Variants in OTUD4 observed in about 807,000 individuals in gnomAD.
OTUD4 encodes the protein OTU domain-containing protein 4.
In OTUD4, 24 loss-of-function variants were observed where a neutral mutation model predicts 130.4. That is an observed-to-expected ratio of 0.18 (90% CI 0.13 to 0.26). The LOEUF is 0.26. Ranked by LOEUF, OTUD4 falls within the 10% of genes least tolerant of loss-of-function variation. OTUD4 has a pLI of 1.00. For synonymous variants in OTUD4, 420 were observed against 472.5 expected, an observed-to-expected ratio of 0.89 and a Z score of 1.44; for missense variants, 1,031 against 1,329.4, an observed-to-expected ratio of 0.78 and a Z score of 3.49.
At chr4:145,141,703 A>G (rs1750572251) in intron 18 of OTUD4, 64 bp from the exon 19 acceptor site, 4 of 1,397,620 alleles carry the variant, frequency 2.9e-6, no homozygotes, top group East Asian at 2.4e-5. Context: ...ATATGCTTAC[A>G]TTAACCTATA....
rs142475838 is a variant in OTUD4 at position 145,137,550 on chromosome 4, T to C, written c.3225A>G (p.Gly1075=). Residue 1075 remains glycine (G), a synonymous_variant, in exon 21 of 21, where the codon GGA becomes GGG. Transcript: ENST00000447906. Reference sequence around the variant, plus strand: ...CTTCATCCCGACTTCTGCTTGGCTGTCCTTTCCAGGACTCCTCACTTCTCA... The same window carrying C: ...CTTCATCCCGACTTCTGCTTGGCTGCCCTTTCCAGGACTCCTCACTTCTCA... ...QHVRSEESWK[G]QPSRSRDEGY... 3.3e-5 allele frequency: 54 copies of C among 1,613,288 alleles called. No individual in the cohort carries two copies. In the African/African-American group the frequency reaches 6.5e-4, roughly 20 times the overall value.
Position 145,134,728 on chromosome 4 carries a change from A to T in OTUD4, c.*2702T>A, listed in dbSNP as rs1422304174. The T allele has an allele frequency of 5.0e-6, 2 of 398,848 alleles. No homozygotes were observed. The highest frequency in any genetic ancestry group is 4.4e-6 in the Non-Finnish European group (1 of 226,034). 24.7% of individuals were successfully genotyped at this position (398,848 alleles called of 1,614,324 possible). ...ATGCCAGCATCCTGCTGCCAAGGAG[A>T]CATGGGGCAAGAGTTGAAGATTTGA... On this transcript the variant is annotated 3_prime_UTR_variant, in exon 21 of 21. Coordinates refer to ENST00000447906, the MANE Select transcript of OTUD4 (RefSeq NM_001366057.1).
intron 11 of OTUD4, 88 bp from the exon 12 acceptor site, chr4:145,150,993 G>A (rs1751040929): frequency 2.8e-6 from 2 of 724,194 alleles, no homozygotes; most frequent in Non-Finnish European, 4.2e-6. Context: ...GCTTATATAA[G>A]AATTTCTAGT....
intron 13 of OTUD4, among the ~76,000 whole-genome samples, chr4:145,146,795 GAATT>G (rs1238442326): frequency 5.3e-5 from 8 of 152,130 alleles, no homozygotes; most frequent in South Asian, 2.1e-4. Flanking sequence ...TTTTCATTAA[GAATT>G]AATTCTCAAA....
chr4:145,156,230 T>C (rs148187624), intron 7 of OTUD4, among the ~76,000 whole-genome samples: 117 of 152,248 alleles, frequency 7.7e-4, no homozygotes, highest in African/African-American at 2.6e-3. Flanking sequence ...GGCTCAGTAA[T>C]AAGAAAACAT....
Position 145,165,257 on chromosome 4 carries a change from T to C in OTUD4, c.295-60A>G, listed in dbSNP as rs571116491. ...CTCACACTTTTTAGATTCCACTTTA[T>C]ATTTCTATACATACCTTCATACAGC... On this transcript the variant is annotated intron_variant, in intron 3 of 20. Transcript: ENST00000447906. 12 of 1,053,862 alleles carry C rather than the reference T, an allele frequency of 1.1e-5. No individual in the cohort carries two copies. In the South Asian group the frequency reaches 1.4e-4, roughly 12 times the overall value. 65.3% of individuals were successfully genotyped at this position (1,053,862 alleles called of 1,614,324 possible).
At chr4:145,163,726 G>C (rs75739304) in intron 5 of OTUD4, among the ~76,000 whole-genome samples, 3 of 111,296 alleles carry the variant, frequency 2.7e-5, no homozygotes, top group Admixed American at 1.0e-4. Context: ...TTTTTTTTAA[G>C]ACGGAGGTTC....
At position 145,137,456 on chromosome 4, in the gene OTUD4, C is replaced by G. The variant is rs1750333702; in HGVS notation, c.3319G>C (p.Asp1107His). The G allele has an allele frequency of 1.2e-6, 2 of 1,610,636 alleles. No individual in the cohort carries two copies. Among genetic ancestry groups the G allele is most frequent in the African/African-American group, 1.3e-5 (1 of 74,788 alleles). ...CAAGTGTGCTGTCCCCTATGGCCAT[C>G]TCCCATCCCTGATCTCCTCCTATCT... ...RGDRRRSGMG[D>H]GHRGQHT Residue 1107 changes from aspartate to histidine, a missense_variant, in exon 21 of 21, where the codon GAT (aspartate) becomes CAT (histidine). By Grantham distance (81) the Asp-to-His change is moderately conservative. This residue lies in a region of OTUD4 where 900 missense variants were observed against 1,095.9 expected (regional missense o/e 0.82). Coordinates refer to ENST00000447906, the MANE Select transcript of OTUD4 (RefSeq NM_001366057.1).
intron 13 of OTUD4, among the ~76,000 whole-genome samples, chr4:145,148,576 C>T (rs1042115172): frequency 2.0e-5 from 3 of 151,776 alleles, no homozygotes; most frequent in African/African-American, 4.8e-5. Context: ...AATTCATAGG[C>T]GATCAGAGTC....
In OTUD4 at chr4:145,162,379, T is replaced by C. The variant is rs906449720; in HGVS notation, c.496+261A>G. On this transcript the variant is annotated intron_variant, in intron 6 of 20. Transcript: ENST00000447906. ...CCACCCTGGCTAACACGGTGAAACC[T>C]AGTCTCTATTAAAAATACAAAAAAA... Among the ~76,000 whole-genome samples, 105 of 151,996 alleles carry C rather than the reference T, an allele frequency of 6.9e-4. 1 individual carries two copies. The highest frequency in any genetic ancestry group is 3.9e-4 in the East Asian group (2 of 5,144).
In OTUD4 at chr4:145,133,700, T is replaced by A. The variant is rs954384178; in HGVS notation, c.*3730A>T. Reference sequence around the variant, plus strand: ...ACACAGTTTTATATATAATGCAGCATCACACCATGTAGGGCATTTACTCTT... The same window carrying A: ...ACACAGTTTTATATATAATGCAGCAACACACCATGTAGGGCATTTACTCTT... On this transcript the variant is annotated 3_prime_UTR_variant, in exon 21 of 21. Coordinates refer to ENST00000447906, the MANE Select transcript of OTUD4 (RefSeq NM_001366057.1). 3.3e-5 allele frequency: 5 copies of A among 152,738 alleles called. No homozygotes were observed. Among genetic ancestry groups the A allele is most frequent in the Admixed American group, 2.6e-4 (4 of 15,302 alleles). The allele number at this position is 152,738 out of a possible 1,614,324, so 9.5% of individuals were successfully genotyped here.
intron 6 of OTUD4, among the ~76,000 whole-genome samples, chr4:145,161,176 C>T (rs1751545246): frequency 6.6e-6 from 1 of 152,062 alleles, no homozygotes; most frequent in African/African-American, 2.4e-5. Flanking sequence ...TGAGTTCCCA[C>T]AGAGACTTCC....
At chr4:145,177,754 G>A (rs940281154) in intron 1 of OTUD4, among the ~76,000 whole-genome samples, 3 of 152,200 alleles carry the variant, frequency 2.0e-5, no homozygotes, top group African/African-American at 4.8e-5. Flanking sequence ...AATTTGGAGA[G>A]AAAGACCAAA....
At chr4:145,164,067 C>A (rs978825409) in intron 5 of OTUD4, 87 bp downstream of exon 5, 7 of 647,504 alleles carry the variant, frequency 1.1e-5, no homozygotes, top group Non-Finnish European at 1.9e-5. Flanking sequence ...TTCAAAAAAT[C>A]ATTTAAAATT....
chr4:145,174,239 G>A (rs1298555636), intron 2 of OTUD4, among the ~76,000 whole-genome samples: 4 of 152,010 alleles, frequency 2.6e-5, no homozygotes, highest in Non-Finnish European at 4.4e-5. Flanking sequence ...CCAAAGTACT[G>A]GGATTACAGG....
intron 7 of OTUD4, among the ~76,000 whole-genome samples, 174 bp from the exon 8 acceptor site, chr4:145,156,170 G>A (rs1011147845): frequency 1.4e-4 from 21 of 152,182 alleles, no homozygotes; most frequent in African/African-American, 3.9e-4. Flanking sequence ...GTATATGTAT[G>A]TAAATGTGTG....
intron 1 of OTUD4, chr4:145,179,599 A>C: frequency 7.2e-7 from 1 of 1,379,878 alleles, no homozygotes; most frequent in East Asian, 3.0e-5. Flanking sequence ...GGAGAGAGAC[A>C]CCCCGTTAAT....
chr4:145,141,318 T>C (rs1750552370), intron 19 of OTUD4, 61 bp downstream of exon 19: 5 of 1,460,720 alleles, frequency 3.4e-6, no homozygotes, highest in Admixed American at 2.2e-5. Context: ...CATCTCTTCA[T>C]TTCTTAACTA....
At chr4:145,169,134 G>A (rs545856375) in intron 3 of OTUD4, among the ~76,000 whole-genome samples, 4 of 152,304 alleles carry the variant, frequency 2.6e-5, no homozygotes, top group Admixed American at 6.5e-5. Flanking sequence ...CAGGGGATAG[G>A]CGGAAGAGGA....
Sources: allele counts gnomAD v4.1 joint callset (sites outside exome capture counted in the v4.1 genomes callset), GRCh38; gene constraint gnomAD v4.1.1; regional missense constraint gnomAD v4.1.1; transcripts MANE v1.5; gene names NCBI Gene and HGNC (gene_info 2026-07-23, HGNC 2026-07-21).